Variants in CR1 observed in about 807,000 individuals in gnomAD.
CR1 encodes complement C3b/C4b receptor 1 (Knops blood group).
CR1 carries 116 observed loss-of-function variants against 187.3 expected under a neutral mutation model. The observed-to-expected ratio is 0.62, with a 90% confidence interval of 0.53 to 0.72. The LOEUF is 0.72. Ranked by LOEUF, CR1 falls within the 30% of genes least tolerant of loss-of-function variation. CR1 has a pLI of 0.00. For synonymous variants in CR1, 576 were observed against 747.1 expected (o/e 0.77, Z 3.73); for missense variants, 1,731 against 2,110.7 (o/e 0.82, Z 3.52).
At chr1:207,616,265 A>C (rs1662091691) in intron 40 of CR1, among the ~76,000 whole-genome samples, 1 of 152,200 alleles carries the variant, frequency 6.6e-6, no homozygotes, top group East Asian at 1.9e-4. Flanking sequence ...ACTATGCCTG[A>C]GTTAAAGTAG....
At chr1:207,567,526 A>C (rs1328338483) in intron 24 of CR1, among the ~76,000 whole-genome samples, 1 of 150,408 alleles carries the variant, frequency 6.6e-6, no homozygotes, top group African/African-American at 2.5e-5. Context: ...TAAATGAATA[A>C]ATAACCCTTC....
At chr1:207,500,199 T>C (rs1313237741) in intron 1 of CR1, among the ~76,000 whole-genome samples, 2 of 152,262 alleles carry the variant, frequency 1.3e-5, no homozygotes, top group Non-Finnish European at 2.9e-5. Flanking sequence ...TTGTGCTAAG[T>C]CATGATGATT....
At chr1:207,634,405 A>G (rs960914125) in intron 46 of CR1, among the ~76,000 whole-genome samples, 24 of 152,212 alleles carry the variant, frequency 1.6e-4, no homozygotes, top group African/African-American at 5.8e-4. Context: ...GTGGCAAAAT[A>G]TGCTAGTCAA....
intron 35 of CR1, chr1:207,600,879 T>C (rs947398132): frequency 1.3e-5 from 2 of 152,146 alleles, no homozygotes; most frequent in African/African-American, 4.8e-5. Flanking sequence ...CCTTACATTA[T>C]TTATCTTCTT....
rs1662959216 is a variant in CR1 at position 207,640,718 on chromosome 1, C to T, written c.*1309C>T. On this transcript the variant is annotated 3_prime_UTR_variant, in exon 47 of 47. Transcript: ENST00000367049. ...ATGTGTTATGATATTATGGGCCATG[C>T]TAATGACCTCTAGAAAACATCAGAA... is the stretch of plus-strand genomic sequence containing the variant. 6.6e-6 allele frequency: 1 copy of T among 152,174 alleles called. No individual in the cohort carries two copies. The highest frequency in any genetic ancestry group is 1.5e-5 in the Non-Finnish European group (1 of 68,032). 9.4% of individuals were successfully genotyped at this position (152,174 alleles called of 1,614,324 possible).
chr1:207,566,166 T>C (rs1344740872), intron 24 of CR1, among the ~76,000 whole-genome samples: 1 of 150,428 alleles, frequency 6.6e-6, no homozygotes, highest in Non-Finnish European at 1.5e-5. Context: ...GGTCTTGTGC[T>C]CCTAGGTCAG....
At position 207,506,917 on chromosome 1, in the gene CR1, T is replaced by G. The variant is rs147862423; in HGVS notation, c.401+104T>G. 1.1e-4 allele frequency: 99 copies of G among 910,634 alleles called. 1 individual carries two copies. The African/African-American group carries it at 1.6e-3, about 15-fold the overall frequency. The allele number at this position is 910,634 out of a possible 1,614,324, so 56.4% of individuals were successfully genotyped here. A position where few individuals can be genotyped will look rare whatever the true frequency, so the allele number is the denominator to read the frequency against. On this transcript the variant is annotated intron_variant, in intron 3 of 46. Coordinates refer to ENST00000367049, the MANE Select transcript of CR1 (RefSeq NM_000651.6). ...AGAAAGGACAACTAAACTATTACCA[T>G]CTGCTCTTTAACGGCTTCAACACAG...
intron 4 of CR1, among the ~76,000 whole-genome samples, chr1:207,519,673 T>G (rs1322456860): frequency 6.6e-6 from 1 of 152,232 alleles, no homozygotes; most frequent in African/African-American, 2.4e-5. Flanking sequence ...AAGAGTTTAA[T>G]TGAGCAATGA....
intron 27 of CR1, among the ~76,000 whole-genome samples, chr1:207,573,825 T>A (rs1298170310): frequency 6.6e-6 from 1 of 151,788 alleles, no homozygotes; most frequent in African/African-American, 2.4e-5. Context: ...CTGAATGCAG[T>A]GAGAAAAGAT....
rs189370553 is a variant in CR1, at chr1:207,628,963, T to C, written c.7353-1554T>C. ...CGTTTCACACAGACTTGGCAAGTTCTTCCTGTGATTTAATCTCACTGCCTT... is the reference window on the plus strand; with the variant it reads ...CGTTTCACACAGACTTGGCAAGTTCCTCCTGTGATTTAATCTCACTGCCTT... On this transcript the variant is annotated intron_variant, in intron 45 of 46. Transcript: ENST00000367049. Among the ~76,000 whole-genome samples the C allele has an allele frequency of 7.0e-4, 106 of 152,346 alleles. 2 individuals are homozygous for C. Among genetic ancestry groups the C allele is most frequent in the African/African-American group, 2.5e-3 (102 of 41,578 alleles).
At chr1:207,620,191 G>T in intron 43 of CR1, 126 bp downstream of exon 43, 1 of 944,516 alleles carries the variant, frequency 1.1e-6, no homozygotes. Flanking sequence ...AGTACAATAT[G>T]AGCATCCACC....
intron 4 of CR1, among the ~76,000 whole-genome samples, chr1:207,515,147 GTATATA>G (rs1403671548): frequency 9.1e-6 from 1 of 109,538 alleles, no homozygotes; most frequent in African/African-American, 3.3e-5. Context: ...ACGTGTATAC[GTATATA>G]TACATATACA....
At chr1:207,575,146 A>G (rs1262992908) in intron 27 of CR1, among the ~76,000 whole-genome samples, 1 of 152,130 alleles carries the variant, frequency 6.6e-6, no homozygotes, top group East Asian at 1.9e-4. Flanking sequence ...CAAGATCAAA[A>G]GCAACAAATC....
intron 42 of CR1, 39 bp downstream of exon 42, chr1:207,618,286 G>A: frequency 6.3e-7 from 1 of 1,581,996 alleles, no homozygotes. Context: ...TTGCTGGGTT[G>A]TATGGAATGC....
At chr1:207,502,546 G>A (rs2102332378) in intron 1 of CR1, among the ~76,000 whole-genome samples, 1 of 152,326 alleles carries the variant, frequency 6.6e-6, no homozygotes, top group Middle Eastern at 3.4e-3. Context: ...CGGGAAAAAT[G>A]TGTGTCTTTG....
chr1:207,520,968 GTTTTTTTTTTTTT>G (rs141546660), intron 4 of CR1, among the ~76,000 whole-genome samples: 3 of 44,570 alleles, frequency 6.7e-5, no homozygotes, highest in South Asian at 1.1e-3. Flanking sequence ...TTTTTTGGTT[GTTTTTTTTTTTTT>G]TTTTTTTTTT....
At position 207,565,977 on chromosome 1, in the gene CR1, A is replaced by AT. The variant is rs1286490553; in HGVS notation, c.3952+57dup. On this transcript the variant is annotated intron_variant, in intron 24 of 46. Coordinates refer to ENST00000367049, the MANE Select transcript of CR1 (RefSeq NM_000651.6). ...AATCTCTCCCCTTCATCTGTTCACT[A>AT]TTTGTCCTATGGCCTCCCTCAATGT... The AT allele has an allele frequency of 2.5e-6, 4 of 1,601,586 alleles. No individual in the cohort carries two copies. In the African/African-American group the frequency reaches 5.6e-5, roughly 22 times the overall value.
intron 2 of CR1, among the ~76,000 whole-genome samples, chr1:207,506,411 T>C (rs1659434340): frequency 2.6e-5 from 4 of 152,232 alleles, no homozygotes; most frequent in Admixed American, 2.0e-4. Flanking sequence ...CTAAAAGATG[T>C]GACAATCTTG....
At chr1:207,581,816 A>C in intron 31 of CR1, 102 bp from the exon 32 acceptor site, 1 of 773,108 alleles carries the variant, frequency 1.3e-6, no homozygotes, top group Non-Finnish European at 2.2e-6. Context: ...GAGCAGTAAA[A>C]TGTTAATTAA....
Sources: allele counts gnomAD v4.1 joint callset (sites outside exome capture counted in the v4.1 genomes callset), GRCh38; gene constraint gnomAD v4.1.1; transcripts MANE v1.5; gene names NCBI Gene and HGNC (gene_info 2026-07-23, HGNC 2026-07-21).